The following ATF7IP variants were observed in gnomAD, a reference collection of about 807,000 sequenced individuals.
ATF7IP encodes the protein activating transcription factor 7-interacting protein 1.
Under a neutral mutation model 106.4 loss-of-function variants are expected in ATF7IP, and 23 were observed. That is an observed-to-expected ratio of 0.22 (90% CI 0.16 to 0.31). The LOEUF (loss-of-function observed/expected upper bound fraction) is 0.31, where lower values mean the gene tolerates loss of function less well. Ranked by LOEUF, ATF7IP falls within the 10% of genes least tolerant of loss-of-function variation. The pLI, the probability that ATF7IP is intolerant of heterozygous loss-of-function variation, is 1.00. For missense variants in ATF7IP, 1,334 were observed against 1,524.3 expected (o/e 0.88, Z 2.08); for synonymous variants, 542 against 539.0 (o/e 1.01, Z -0.08).
In ATF7IP at chr12:14,460,727, T is replaced by G; in HGVS notation, c.2391T>G (p.Leu797=). The change falls in exon 9 of 15, where the codon CTT becomes CTG. Residue 797 remains leucine, a synonymous_variant. Coordinates refer to ENST00000261168, the MANE Select transcript of ATF7IP (RefSeq NM_018179.5). The part of the protein sequence containing the change: ...VPVAVSSQPQ[L]LQSHPGTLVT... ...TTGCAGTATCCTCCCAGCCTCAGCT[T>G]CTACAGAGCCATCCAGGGACTTTGG... 6.2e-7 allele frequency: 1 copy of G among 1,614,218 alleles called. No individual in the cohort carries two copies.
In ATF7IP at chr12:14,497,654, G is replaced by A. The variant is rs1281452404; in HGVS notation, c.3394G>A (p.Glu1132Lys). 6.2e-7 allele frequency: 1 copy of A among 1,609,156 alleles called. No individual in the cohort carries two copies. The change falls in exon 15 of 15, where the codon GAG becomes AAG. Residue 1132 changes from glutamate to lysine, a missense_variant and splice_region_variant. Transcript: ENST00000261168. ...TAATCAGTGTGACCTGTTTCTTCAG[G>A]AGCCCCCACGCCCCGTGCACCCAGC... ...VHHRPPQVHT[E>K]PPRPVHPAPL...
chr12:14,385,445 C>G, intron 1 of ATF7IP: 1 of 1,510,922 alleles, frequency 6.6e-7, no homozygotes, highest in Non-Finnish European at 8.8e-7. Flanking sequence ...TCATTTTTTT[C>G]TTTTTTAAAA....
rs139868367 is a variant in ATF7IP at position 14,460,457 on chromosome 12, TAACCATTTA to T, written c.2159-34_2159-26del. 14,554 of 1,545,064 alleles carry T rather than the reference TAACCATTTA, an allele frequency of 9.4e-3. 1,183 individuals are homozygous for T. In the African/African-American group the frequency reaches 0.18, roughly 19 times the overall value. On this transcript the variant is annotated intron_variant, in intron 8 of 14. Transcript: ENST00000261168. ...TATTTTCTTAGTTGATAAATTAATA[TAACCATTTA>T]AACTGAGGCTTCTGTTTTCTTTCTA...
At chr12:14,395,541 T>C (rs1241786421) in intron 1 of ATF7IP, among the ~76,000 whole-genome samples, 1 of 152,208 alleles carries the variant, frequency 6.6e-6, no homozygotes, top group African/African-American at 2.4e-5. Context: ...TCATATTACA[T>C]AGAAATCAGT....
intron 1 of ATF7IP, among the ~76,000 whole-genome samples, chr12:14,389,685 TGGCG>T (rs1939438892): frequency 6.6e-6 from 1 of 152,188 alleles, no homozygotes; most frequent in South Asian, 2.1e-4. Flanking sequence ...TGGAGTGCAA[TGGCG>T]CGATCTCGGC....
intron 6 of ATF7IP, among the ~76,000 whole-genome samples, chr12:14,447,311 T>C (rs1185061451): frequency 1.5e-5 from 2 of 137,394 alleles, no homozygotes; most frequent in Admixed American, 7.9e-5. Context: ...TGAGATGGAG[T>C]CTCTCTGTCG....
At chr12:14,373,789 T>C (rs112027395) in intron 1 of ATF7IP, among the ~76,000 whole-genome samples, 7,366 of 152,140 alleles carry the variant, frequency 0.048, 189 homozygotes, top group Non-Finnish European at 0.059. Context: ...TTTGGGGGTT[T>C]TGTGTTCATG....
Position 14,365,698 on chromosome 12 carries a change from C to T in ATF7IP, c.-137C>T, listed in dbSNP as rs545714416. The T allele has an allele frequency of 4.4e-5, 7 of 157,366 alleles. No individual in the cohort carries two copies. The East Asian group carries it at 1.1e-3, about 25-fold the overall frequency. The allele number at this position is 157,366 out of a possible 1,614,324, so 9.7% of individuals were successfully genotyped here. ...TTTGTTTTTGAATCTGCGGAGGCGGCGGCGGTGGCAGCGGCGGCGCGGCGA... is the reference window on the plus strand; with the variant it reads ...TTTGTTTTTGAATCTGCGGAGGCGGTGGCGGTGGCAGCGGCGGCGCGGCGA... On this transcript the variant is annotated 5_prime_UTR_variant, in exon 1 of 15. Transcript: ENST00000261168.
At chr12:14,454,629 C>G (rs893325691) in intron 6 of ATF7IP, among the ~76,000 whole-genome samples, 20 of 151,948 alleles carry the variant, frequency 1.3e-4, no homozygotes, top group African/African-American at 4.6e-4. Flanking sequence ...TTGTGCTCAC[C>G]TGGGATGGCA....
intron 1 of ATF7IP, among the ~76,000 whole-genome samples, chr12:14,387,646 T>A (rs114607512): frequency 0.017 from 2,564 of 152,298 alleles, 72 homozygotes; most frequent in African/African-American, 0.059. Context: ...ATTCTTTCCC[T>A]GCTGTGTTGC....
chr12:14,461,088 A>C lies in ATF7IP; in HGVS notation c.2752A>C (p.Thr918Pro). Residue 918 changes from threonine to proline, a missense_variant, in exon 9 of 15, where the codon ACT becomes CCT. Transcript: ENST00000261168. The part of the protein sequence containing the change: ...QMKIPISAFS[T>P]SSAAEQNSNT... ...GAAAATTCCAATTTCTGCATTTAGTACTTCGTCTGCTGCAGAACAGAACAG... is the reference window on the plus strand; with the variant it reads ...GAAAATTCCAATTTCTGCATTTAGTCCTTCGTCTGCTGCAGAACAGAACAG... 1 of 1,614,144 alleles carries C rather than the reference A, an allele frequency of 6.2e-7. No individual in the cohort carries two copies. Among genetic ancestry groups the C allele is most frequent in the Non-Finnish European group, 8.5e-7 (1 of 1,180,006 alleles).
chr12:14,441,620 G>A (rs1413821475), intron 5 of ATF7IP, among the ~76,000 whole-genome samples: 2 of 151,334 alleles, frequency 1.3e-5, no homozygotes, highest in African/African-American at 4.9e-5. Context: ...CTCCCGAGCA[G>A]CTGGGACTAC....
At chr12:14,480,877 G>A in intron 12 of ATF7IP, 126 bp from the exon 13 acceptor site, 1 of 769,676 alleles carries the variant, frequency 1.3e-6, no homozygotes, top group East Asian at 2.6e-5. Context: ...CATAAAAGGA[G>A]ACTGTTATTT....
chr12:14,476,405 C>G (rs1944263198), intron 11 of ATF7IP: 1 of 85,248 alleles, frequency 1.2e-5, no homozygotes, highest in African/African-American at 4.6e-5. Flanking sequence ...GAATGAGGCC[C>G]TGTCTCAAAA....
chr12:14,460,426 C>T, intron 8 of ATF7IP, 69 bp from the exon 9 acceptor site: 1 of 1,403,438 alleles, frequency 7.1e-7, no homozygotes, highest in Middle Eastern at 1.9e-4. Context: ...TAATTTGTGT[C>T]TGTCATATTT....
At chr12:14,464,137 C>T (rs1023859710) in intron 9 of ATF7IP, among the ~76,000 whole-genome samples, 1 of 152,096 alleles carries the variant, frequency 6.6e-6, no homozygotes, top group Non-Finnish European at 1.5e-5. Flanking sequence ...TATAGTGAGA[C>T]CCCCATCTGT....
chr12:14,461,176 T>TAATA (rs1397044030), intron 9 of ATF7IP, 43 bp downstream of exon 9: 5 of 1,563,468 alleles, frequency 3.2e-6, no homozygotes, highest in Non-Finnish European at 4.3e-6. Context: ...GCAAGCATCT[T>TAATA]AATAGCCTTG....
intron 1 of ATF7IP, among the ~76,000 whole-genome samples, chr12:14,417,655 A>G (rs185176152): frequency 1.8e-4 from 27 of 152,272 alleles, no homozygotes; most frequent in Middle Eastern, 3.4e-3. Context: ...ATATTTCTTG[A>G]AATGTTCATG....
At position 14,490,608 on chromosome 12, in the gene ATF7IP, G is replaced by A. The variant is rs537668232; in HGVS notation, c.3281-5623G>A. On this transcript the variant is annotated intron_variant, in intron 13 of 14. Coordinates refer to ENST00000261168, the MANE Select transcript of ATF7IP (RefSeq NM_018179.5). ...CTGCAGCTGTGTACTTGCCGGTGGTGCCTGCATATGGTGCAGAACCATCTG... is the reference window on the plus strand; with the variant it reads ...CTGCAGCTGTGTACTTGCCGGTGGTACCTGCATATGGTGCAGAACCATCTG... Among the ~76,000 whole-genome samples the A allele has an allele frequency of 2.6e-5, 4 of 152,104 alleles. No individual in the cohort carries two copies. The East Asian group carries it at 7.8e-4, about 30-fold the overall frequency.
Sources: allele counts gnomAD v4.1 joint callset (sites outside exome capture counted in the v4.1 genomes callset), GRCh38; gene constraint gnomAD v4.1.1; transcripts MANE v1.5; gene names NCBI Gene and HGNC (gene_info 2026-07-23, HGNC 2026-07-21).